YARS1: variants seen among roughly 807,000 people sequenced by gnomAD.
The protein encoded by YARS1 is tyrosine--tRNA ligase, cytoplasmic.
A neutral mutation model predicts 62.2 loss-of-function variants in YARS1; 36 were observed. The ratio of observed to expected loss-of-function variants is 0.58; its 90% CI spans 0.44 to 0.76. The LOEUF (loss-of-function observed/expected upper bound fraction) is 0.76. Among genes scored for constraint, YARS1 ranks in the 30% least tolerant of loss-of-function variants. YARS1 has a pLI of 0.00. For synonymous variants in YARS1, 234 were observed against 244.9 expected (o/e 0.96, Z 0.42); for missense variants, 524 against 639.8 (o/e 0.82, Z 1.95).
chr1:32,785,306 T>C (rs1419735770), intron 8 of YARS1, among the ~76,000 whole-genome samples: 2 of 151,798 alleles, frequency 1.3e-5, no homozygotes, highest in African/African-American at 2.4e-5. Context: ...CTAAAAAATA[T>C]GAAAATTAGC....
Position 32,782,509 on chromosome 1 carries a change from C to A in YARS1, c.937G>T (p.Val313Phe), listed in dbSNP as rs147074773. Reference sequence around the variant, plus strand: ...AGCAACTTGTTCAGTGCGACTTCAACAGAATTCTTCAGGTCTCCAGGATGT... The same window carrying A: ...AGCAACTTGTTCAGTGCGACTTCAAAAGAATTCTTCAGGTCTCCAGGATGT... ...VVHPGDLKNS[V>F]EVALNKLLDP... Residue 313 changes from valine (V) to phenylalanine (F), a missense_variant, in exon 9 of 13, where the codon GTT becomes TTT. By Grantham distance (50) the Val-to-Phe change is conservative. Coordinates refer to ENST00000373477, the MANE Select transcript of YARS1 (RefSeq NM_003680.4). 6.2e-7 allele frequency: 1 copy of A among 1,614,128 alleles called. No homozygotes were observed. The highest frequency in any genetic ancestry group is 8.5e-7 in the Non-Finnish European group (1 of 1,180,036).
chr1:32,780,024 C>T (rs1652999194), intron 11 of YARS1, 61 bp downstream of exon 11: 2 of 1,597,318 alleles, frequency 1.3e-6, no homozygotes, highest in Non-Finnish European at 8.6e-7. Flanking sequence ...ATCATATGGG[C>T]TGATTCCCTA....
intron 5 of YARS1, among the ~76,000 whole-genome samples, chr1:32,797,029 T>A (rs1178967635): frequency 2.1e-4 from 12 of 56,020 alleles, no homozygotes; most frequent in African/African-American, 3.0e-4. Flanking sequence ...TATATATATA[T>A]ATATATATAT....
chr1:32,794,025 T>C (rs1016308679), intron 5 of YARS1, among the ~76,000 whole-genome samples: 6 of 151,928 alleles, frequency 3.9e-5, no homozygotes, highest in East Asian at 3.9e-4. Context: ...AAAGGGGAAG[T>C]AGGGGTAGAT....
At chr1:32,801,722 G>C (rs1011279983) in intron 4 of YARS1, among the ~76,000 whole-genome samples, 3 of 152,172 alleles carry the variant, frequency 2.0e-5, no homozygotes, top group African/African-American at 7.2e-5. Context: ...CTCAGACCCT[G>C]CTGCTGCTTT....
At chr1:32,779,879 A>C (rs1178622036) in intron 11 of YARS1, 1 of 664,402 alleles carries the variant, frequency 1.5e-6, no homozygotes, top group African/African-American at 1.8e-5. Context: ...CTCCATTTCT[A>C]TTTTAACAAA....
intron 8 of YARS1, 24 bp from the exon 9 acceptor site, chr1:32,782,563 T>A (rs761793595): frequency 6.2e-7 from 1 of 1,614,070 alleles, no homozygotes; most frequent in Non-Finnish European, 8.5e-7. Flanking sequence ...CAAGACCTAG[T>A]GAGATAAAGT....
intron 5 of YARS1, among the ~76,000 whole-genome samples, chr1:32,794,887 C>T (rs1490187873): frequency 1.3e-5 from 2 of 150,834 alleles, no homozygotes; most frequent in Admixed American, 6.6e-5. Flanking sequence ...GCCTGTAATC[C>T]CAGCTACTCG....
rs1026630103 is a variant in YARS1, at chr1:32,776,840, G to C, written c.1477-749C>G. On this transcript the variant is annotated intron_variant, in intron 12 of 12. Transcript: ENST00000373477. This position sits in a 1 kb window ranked among gnomAD's most constrained non-coding sequence, Gnocchi z 4.0. ...AATTAGCCGGGTGTGGTGGTGGGGC[G>C]CCTGTAGTCCCAGCTACTCAGAAGG... 3.3e-5 allele frequency among the ~76,000 whole-genome samples: 5 copies of C among 151,846 alleles called. No homozygotes were observed. Among genetic ancestry groups the C allele is most frequent in the Non-Finnish European group, 5.9e-5 (4 of 67,986 alleles).
At chr1:32,778,736 C>CT (rs67504155) in intron 12 of YARS1, among the ~76,000 whole-genome samples, 3,164 of 120,054 alleles carry the variant, frequency 0.026, 51 homozygotes, top group Non-Finnish European at 0.033. Context: ...CTTTTCTTTT[C>CT]TTTTTTTTTT....
intron 1 of YARS1, 72 bp downstream of exon 1, chr1:32,817,116 T>C: frequency 1.9e-6 from 3 of 1,590,698 alleles, no homozygotes; most frequent in Non-Finnish European, 2.6e-6. Context: ...TAGAACCCCG[T>C]AATGGGGCTC....
At chr1:32,799,635 C>T (rs1393504477) in intron 4 of YARS1, among the ~76,000 whole-genome samples, 1 of 152,192 alleles carries the variant, frequency 6.6e-6, no homozygotes, top group East Asian at 1.9e-4. Flanking sequence ...ACAGAATCTT[C>T]TGTGGTGATG....
At chr1:32,789,503 G>C (rs1653343441) in intron 6 of YARS1, among the ~76,000 whole-genome samples, 1 of 151,904 alleles carries the variant, frequency 6.6e-6, no homozygotes, top group African/African-American at 2.4e-5. Context: ...CCAAATTCTA[G>C]CTCACATGTG....
At chr1:32,806,724 C>T (rs1335071965) in intron 3 of YARS1, 113 bp from the exon 4 acceptor site, 27 of 1,435,418 alleles carry the variant, frequency 1.9e-5, no homozygotes, top group Middle Eastern at 2.2e-4. Flanking sequence ...CCAGGGATCT[C>T]GGTTTTAAAA....
chr1:32,796,368 TTTG>T (rs1366798112), intron 5 of YARS1, among the ~76,000 whole-genome samples: 138 of 145,044 alleles, frequency 9.5e-4, no homozygotes, highest in African/African-American at 3.4e-3. Flanking sequence ...TTTTTTCTTT[TTTG>T]TTTTTTTTTT....
At chr1:32,808,104 G>A (rs982634582) in intron 3 of YARS1, among the ~76,000 whole-genome samples, 3 of 151,758 alleles carry the variant, frequency 2.0e-5, no homozygotes, top group Non-Finnish European at 2.9e-5. Context: ...ATGAGGTCTC[G>A]CTACGCCCAC....
chr1:32,784,492 C>T (rs896653670), intron 8 of YARS1, among the ~76,000 whole-genome samples: 6 of 152,022 alleles, frequency 3.9e-5, no homozygotes, highest in Non-Finnish European at 7.4e-5. Context: ...CAGACCAAAC[C>T]ACCTGGAATT....
Position 32,782,485 on chromosome 1 carries a change from G to A in YARS1, c.961C>T (p.Leu321=). 2 of 1,614,138 alleles carry A rather than the reference G, an allele frequency of 1.2e-6. No homozygotes were observed. The highest frequency in any genetic ancestry group is 1.7e-6 in the Non-Finnish European group (2 of 1,180,038). The change falls in exon 9 of 13, where the codon CTG becomes TTG. Residue 321 remains leucine, a synonymous_variant. Transcript: ENST00000373477. ...NSVEVALNKL[L]DPIREKFNTP... is the part of the protein sequence containing the mutation. Reference sequence around the variant, plus strand: ...TTAAACTTTTCCCGGATTGGATCCAGCAACTTGTTCAGTGCGACTTCAACA... The same window carrying A: ...TTAAACTTTTCCCGGATTGGATCCAACAACTTGTTCAGTGCGACTTCAACA...
chr1:32,788,020 G>A (rs1241909128), intron 6 of YARS1, among the ~76,000 whole-genome samples: 2 of 152,162 alleles, frequency 1.3e-5, no homozygotes, highest in Admixed American at 1.3e-4. Context: ...TGAGGCAGGA[G>A]GATCACTTGA....
Sources: gnomAD v4.1 joint callset for allele counts (sites outside exome capture counted in the v4.1 genomes callset) on GRCh38, gnomAD v4.1.1 for gene constraint, Gnocchi (gnomAD v3.1) non-coding constraint, MANE v1.5 for transcripts, NCBI Gene and HGNC (gene_info 2026-07-23, HGNC 2026-07-21) for gene names.